The following RGS7 variants were observed in gnomAD, a reference collection of about 807,000 sequenced individuals.
The protein encoded by RGS7 is regulator of G protein signaling 7.
RGS7 carries 27 observed loss-of-function variants against 81.1 expected under a neutral mutation model. That is an observed-to-expected ratio of 0.33 (90% confidence interval 0.25 to 0.46). RGS7 has a LOEUF of 0.46. Ranked by LOEUF, RGS7 falls within the 20% of genes least tolerant of loss-of-function variation. RGS7 has a pLI of 1.00. For synonymous variants in RGS7, 208 were observed against 207.7 expected (o/e 1.00, Z -0.01); for missense variants, 396 against 607.4 (o/e 0.65, Z 3.66).
chr1:241,346,972 T>C (rs1434074437), intron 2 of RGS7, among the ~76,000 whole-genome samples: 1 of 152,172 alleles, frequency 6.6e-6, no homozygotes, highest in Non-Finnish European at 1.5e-5. Context: ...GAATCTATTC[T>C]CTCTACATGG....
chr1:241,111,621 A>AC (rs1221383983), intron 2 of RGS7, among the ~76,000 whole-genome samples: 1 of 151,978 alleles, frequency 6.6e-6, no homozygotes, highest in Non-Finnish European at 1.5e-5. Context: ...CTACAAGTAA[A>AC]AAAAAAAATG....
chr1:240,841,841 G>A (rs1405051485), intron 9 of RGS7, among the ~76,000 whole-genome samples: 7 of 152,044 alleles, frequency 4.6e-5, no homozygotes, highest in African/African-American at 1.7e-4. Context: ...GAAAATTTTT[G>A]AATAAGTCAT....
At chr1:241,227,891 A>G (rs1379128044) in intron 2 of RGS7, among the ~76,000 whole-genome samples, 1 of 152,136 alleles carries the variant, frequency 6.6e-6, no homozygotes, top group Non-Finnish European at 1.5e-5. Context: ...TTCCCCCTCA[A>G]TCTTTCTCAT....
chr1:241,280,144 G>A (rs912669217), intron 2 of RGS7, among the ~76,000 whole-genome samples: 1 of 152,186 alleles, frequency 6.6e-6, no homozygotes, highest in Non-Finnish European at 1.5e-5. Context: ...CTGTAGTTGG[G>A]TGGGCCTCTA....
At chr1:240,928,939 G>A (rs913889443) in intron 6 of RGS7, among the ~76,000 whole-genome samples, 3 of 152,148 alleles carry the variant, frequency 2.0e-5, no homozygotes, top group African/African-American at 7.2e-5. Context: ...AGGGAAAAGA[G>A]GCAGTGTATC....
chr1:240,969,354 C>A (rs1682842234), intron 4 of RGS7, among the ~76,000 whole-genome samples: 1 of 152,274 alleles, frequency 6.6e-6, no homozygotes, highest in Non-Finnish European at 1.5e-5. Flanking sequence ...TCAGACAATG[C>A]CACAGGACAA....
chr1:241,116,819 A>C (rs1269659508), intron 2 of RGS7, among the ~76,000 whole-genome samples: 1 of 152,166 alleles, frequency 6.6e-6, no homozygotes, highest in Non-Finnish European at 1.5e-5. Flanking sequence ...CAGCTATTTG[A>C]AATTATATGA....
At chr1:240,846,837 G>A (rs949846686) in intron 9 of RGS7, among the ~76,000 whole-genome samples, 5 of 152,164 alleles carry the variant, frequency 3.3e-5, no homozygotes, top group African/African-American at 1.2e-4. Flanking sequence ...TCCTTATGGA[G>A]AGGTGCATGT....
At chr1:240,791,281 T>A (rs1157353450) in intron 18 of RGS7, among the ~76,000 whole-genome samples, 1 of 152,176 alleles carries the variant, frequency 6.6e-6, no homozygotes, top group Non-Finnish European at 1.5e-5. Flanking sequence ...GTACTGGCCA[T>A]TGACAAAAAC....
At chr1:240,904,665 TC>T (rs1442553080) in intron 6 of RGS7, among the ~76,000 whole-genome samples, 2 of 152,180 alleles carry the variant, frequency 1.3e-5, no homozygotes, top group African/African-American at 4.8e-5. Context: ...AACTGTTCTT[TC>T]AATGGGTGTT....
At position 241,189,263 on chromosome 1, in the gene RGS7, T is replaced by G. The variant is rs187184411; in HGVS notation, c.79-90501A>C. ...TAGTGATATATCATTGTGATTTTAATTGTTATTTCCCTAGGTGTTGGACAT... is the reference window on the plus strand; with the variant it reads ...TAGTGATATATCATTGTGATTTTAAGTGTTATTTCCCTAGGTGTTGGACAT... On this transcript the variant is annotated intron_variant, in intron 2 of 18. Transcript: ENST00000440928. Among the ~76,000 whole-genome samples, 47 of 152,376 alleles carry G rather than the reference T, an allele frequency of 3.1e-4. 1 individual carries two copies. Among genetic ancestry groups the G allele is most frequent in the Non-Finnish European group, 5.1e-4 (35 of 68,028 alleles).
chr1:240,966,020 TA>T (rs1282716763), intron 4 of RGS7, among the ~76,000 whole-genome samples: 2 of 152,212 alleles, frequency 1.3e-5, no homozygotes, highest in African/African-American at 2.4e-5. Context: ...CTTCGTCGTA[TA>T]CCCGACTGAG....
At chr1:240,789,446 G>A (rs1477982422) in intron 18 of RGS7, among the ~76,000 whole-genome samples, 1 of 152,210 alleles carries the variant, frequency 6.6e-6, no homozygotes, top group Non-Finnish European at 1.5e-5. Flanking sequence ...GGTGAGCCAG[G>A]CAGAACAGAG....
At chr1:241,246,888 T>C (rs1175048528) in intron 2 of RGS7, among the ~76,000 whole-genome samples, 1 of 151,920 alleles carries the variant, frequency 6.6e-6, no homozygotes, top group Non-Finnish European at 1.5e-5. Flanking sequence ...GAACGTCAGC[T>C]GTGGCCCTTG....
At chr1:240,876,689 T>C (rs1237129947) in intron 6 of RGS7, among the ~76,000 whole-genome samples, 1 of 152,090 alleles carries the variant, frequency 6.6e-6, no homozygotes, top group Non-Finnish European at 1.5e-5. Flanking sequence ...AGGCTGGGTG[T>C]AGTGGCTCAC....
intron 2 of RGS7, among the ~76,000 whole-genome samples, chr1:241,275,322 C>T (rs1433727048): frequency 6.6e-6 from 1 of 152,174 alleles, no homozygotes; most frequent in Non-Finnish European, 1.5e-5. Flanking sequence ...AGAAAGTTGT[C>T]TATTTTTTCA....
At chr1:241,239,877 T>C (rs2076183481) in intron 2 of RGS7, among the ~76,000 whole-genome samples, 1 of 152,204 alleles carries the variant, frequency 6.6e-6, no homozygotes, top group Non-Finnish European at 1.5e-5. Context: ...CATCGATGAC[T>C]TCTTTGCCTG....
intron 18 of RGS7, among the ~76,000 whole-genome samples, chr1:240,779,099 T>TTGTGTGTGTGTG (rs71172643): frequency 4.0e-4 from 57 of 144,300 alleles, no homozygotes; most frequent in African/African-American, 1.4e-3. Context: ...TTAGTGTTCT[T>TTGTGTGTGTGTG]TGTGTGTGTG....
intron 4 of RGS7, among the ~76,000 whole-genome samples, chr1:240,941,409 A>AT (rs113390593): frequency 0.22 from 33,852 of 152,066 alleles, 5,854 homozygotes; most frequent in African/African-American, 0.49. Context: ...GTTGGGGTGA[A>AT]TTTTTTGCTT....
Sources: allele counts gnomAD v4.1 joint callset (sites outside exome capture counted in the v4.1 genomes callset), GRCh38; gene constraint gnomAD v4.1.1; transcripts MANE v1.5; gene names NCBI Gene and HGNC (gene_info 2026-07-23, HGNC 2026-07-21).